The following SLC25A13 variants were observed in gnomAD, a reference collection of about 807,000 sequenced individuals.
SLC25A13 encodes solute carrier family 25 member 13, also known as electrogenic aspartate/glutamate antiporter SLC25A13, mitochondrial.
In SLC25A13, 70 loss-of-function variants were observed where a neutral mutation model predicts 85.5. That is an observed-to-expected ratio of 0.82 (90% confidence interval 0.68 to 1.00). SLC25A13 has a LOEUF of 1.00. SLC25A13 is among the 50% of genes least tolerant of loss of function. SLC25A13 has a pLI of 0.00. For missense variants in SLC25A13, 765 were observed against 819.8 expected (o/e 0.93, Z 0.82); for synonymous variants, 259 against 288.7 (o/e 0.90, Z 1.04).
chr7:96,140,115 C>T (rs1457415512), intron 14 of SLC25A13, among the ~76,000 whole-genome samples: 1 of 150,120 alleles, frequency 6.7e-6, no homozygotes, highest in African/African-American at 2.5e-5. Context: ...CCCGCCACTA[C>T]GCCCGGCTAA....
chr7:96,249,879 C>CAA (rs11368398), intron 3 of SLC25A13, among the ~76,000 whole-genome samples: 4,148 of 111,330 alleles, frequency 0.037, 234 homozygotes, highest in African/African-American at 0.11. Context: ...CTTAACTTAG[C>CAA]AAAAAAAAAA....
intron 13 of SLC25A13, among the ~76,000 whole-genome samples, chr7:96,152,400 C>T (rs1464963116): frequency 1.3e-5 from 2 of 151,982 alleles, no homozygotes; most frequent in Non-Finnish European, 2.9e-5. Flanking sequence ...GGTTGTTAGC[C>T]GACTAGGTGA....
chr7:96,241,090 GAAAGAAAGA>G (rs1562870902), intron 3 of SLC25A13, among the ~76,000 whole-genome samples: 3 of 143,268 alleles, frequency 2.1e-5, no homozygotes, highest in African/African-American at 8.0e-5. Flanking sequence ...AAGAAAGAAA[GAAAGAAAGA>G]AAGAAAGGCA....
intron 1 of SLC25A13, among the ~76,000 whole-genome samples, chr7:96,302,924 C>T (rs745405256): frequency 2.6e-5 from 4 of 152,206 alleles, no homozygotes; most frequent in Non-Finnish European, 5.9e-5. Context: ...AGAACCACAG[C>T]TTTAGATAAT....
intron 5 of SLC25A13, 33 bp from the exon 6 acceptor site, chr7:96,193,216 T>C (rs769804789): frequency 1.1e-5 from 18 of 1,610,310 alleles, no homozygotes; most frequent in Admixed American, 1.7e-5. Context: ...ACTTAATTTA[T>C]GCTTCTCATT....
intron 4 of SLC25A13, among the ~76,000 whole-genome samples, chr7:96,222,645 C>T (rs565486630): frequency 3.3e-5 from 5 of 152,172 alleles, no homozygotes; most frequent in South Asian, 2.1e-4. Flanking sequence ...GGGGTTTCAC[C>T]GTGTTGGCCA....
intron 13 of SLC25A13, among the ~76,000 whole-genome samples, chr7:96,160,010 C>T (rs1206431706): frequency 6.6e-6 from 1 of 152,190 alleles, no homozygotes; most frequent in Admixed American, 6.5e-5. Context: ...AACTTACAGG[C>T]CTGTCAAATA....
intron 1 of SLC25A13, among the ~76,000 whole-genome samples, chr7:96,302,984 G>A (rs990075592): frequency 4.6e-5 from 7 of 152,170 alleles, no homozygotes; most frequent in African/African-American, 1.7e-4. Flanking sequence ...AGTCCTCGCT[G>A]CATATTCAAG....
In SLC25A13 at chr7:96,164,589, G is replaced by A. The variant is rs562521300; in HGVS notation, c.1311+5456C>T. On this transcript the variant is annotated intron_variant, in intron 13 of 17. Transcript: ENST00000265631. ...CTAATCCTTGATTCACATCTGGCAG[G>A]TGAAGGCCTTGGGACCCCAAACCGA... 2.0e-4 allele frequency among the ~76,000 whole-genome samples: 30 copies of A among 152,232 alleles called. No individual in the cohort carries two copies. In the South Asian group the frequency reaches 6.2e-3, roughly 32 times the overall value.
intron 8 of SLC25A13, 53 bp downstream of exon 8, chr7:96,189,528 A>C (rs1265953319): frequency 3.2e-6 from 5 of 1,568,498 alleles, no homozygotes; most frequent in Non-Finnish European, 4.4e-6. Flanking sequence ...CCCTCCTCCT[A>C]ACCTCCTTTT....
intron 11 of SLC25A13, among the ~76,000 whole-genome samples, chr7:96,175,542 T>G (rs1174780856): frequency 6.6e-6 from 1 of 152,148 alleles, no homozygotes; most frequent in African/African-American, 2.4e-5. Flanking sequence ...GAGGCCGACT[T>G]TAAGGGAGCT....
intron 3 of SLC25A13, among the ~76,000 whole-genome samples, chr7:96,240,970 A>C (rs1796948541): frequency 1.2e-5 from 1 of 80,470 alleles, no homozygotes; most frequent in South Asian, 7.1e-4. Context: ...ACGAAAGCCG[A>C]AAGGAGAGGA....
intron 9 of SLC25A13, among the ~76,000 whole-genome samples, chr7:96,186,355 G>C (rs1054949482): frequency 6.6e-6 from 1 of 151,770 alleles, no homozygotes; most frequent in African/African-American, 2.4e-5. Context: ...CTTGAACCTG[G>C]GAGGCGGAGG....
chr7:96,313,282 C>G (rs1378312383), intron 1 of SLC25A13, among the ~76,000 whole-genome samples: 1 of 152,092 alleles, frequency 6.6e-6, no homozygotes, highest in African/African-American at 2.4e-5. Context: ...GGGACACTAA[C>G]CTTCCAGGTG....
chr7:96,188,162 G>A (rs1486145009), intron 9 of SLC25A13, among the ~76,000 whole-genome samples: 1 of 152,208 alleles, frequency 6.6e-6, no homozygotes, highest in Non-Finnish European at 1.5e-5. Flanking sequence ...CTCCTAAGCA[G>A]TGTTAAAAAT....
intron 2 of SLC25A13, among the ~76,000 whole-genome samples, chr7:96,293,067 G>A (rs965174037): frequency 1.3e-5 from 2 of 152,156 alleles, no homozygotes; most frequent in African/African-American, 4.8e-5. Flanking sequence ...GCACGGTACT[G>A]GTACCAAAAC....
At chr7:96,313,916 T>C (rs1454198951) in intron 1 of SLC25A13, among the ~76,000 whole-genome samples, 1 of 152,168 alleles carries the variant, frequency 6.6e-6, no homozygotes, top group East Asian at 1.9e-4. Flanking sequence ...ATACCTGACC[T>C]GTACAGGGAA....
chr7:96,131,957 C>A (rs1255766491), intron 14 of SLC25A13, 76 bp from the exon 15 acceptor site: 5 of 1,598,338 alleles, frequency 3.1e-6, no homozygotes, highest in Non-Finnish European at 4.3e-6. Context: ...CTGGAACTCA[C>A]CTCAGAACAA....
At chr7:96,263,026 G>GAAAAA (rs5885951) in intron 3 of SLC25A13, among the ~76,000 whole-genome samples, 4 of 133,274 alleles carry the variant, frequency 3.0e-5, no homozygotes, top group Non-Finnish European at 4.8e-5. Context: ...AACCATCTAG[G>GAAAAA]AAAAAAAAAA....
Sources: gnomAD v4.1 joint callset for allele counts (sites outside exome capture counted in the v4.1 genomes callset) on GRCh38, gnomAD v4.1.1 for gene constraint, MANE v1.5 for transcripts, NCBI Gene and HGNC (gene_info 2026-07-23, HGNC 2026-07-21) for gene names.